Variants in MTRFR observed in about 807,000 individuals in gnomAD.
MTRFR encodes the protein probable peptide chain release factor C12orf65, mitochondrial.
A neutral mutation model predicts 11.9 loss-of-function variants in MTRFR; 10 were observed. The ratio of observed to expected loss-of-function variants is 0.84; its 90% CI spans 0.52 to 1.42. The LOEUF is 1.42. Among genes scored for constraint, MTRFR ranks in the 40% most tolerant of loss-of-function variants. MTRFR has a pLI of 0.00. For missense variants in MTRFR, 196 were observed against 197.9 expected, an observed-to-expected ratio of 0.99 and a Z score of 0.06; for synonymous variants, 77 against 79.1, an observed-to-expected ratio of 0.97 and a Z score of 0.14.
intron 1 of MTRFR, chr12:123,248,283 A>C (rs1404517979): frequency 6.6e-6 from 1 of 152,244 alleles, no homozygotes; most frequent in Admixed American, 6.5e-5. Context: ...AGGAGGCTGA[A>C]CATAGGACCC....
chr12:123,256,250 A>G (rs1254020696), intron 2 of MTRFR, among the ~76,000 whole-genome samples: 1 of 152,230 alleles, frequency 6.6e-6, no homozygotes, highest in Non-Finnish European at 1.5e-5. Context: ...TAGATACATC[A>G]GTTGATACTT....
intron 1 of MTRFR, among the ~76,000 whole-genome samples, chr12:123,243,529 C>CA (rs55817401): frequency 9.7e-4 from 114 of 117,766 alleles, no homozygotes; most frequent in African/African-American, 3.4e-3. Context: ...GACTCCGTCT[C>CA]AAAAAAAAAA....
chr12:123,244,960 T>TTTTTTTTTTA (rs71085871), intron 1 of MTRFR, among the ~76,000 whole-genome samples: 1 of 118,426 alleles, frequency 8.4e-6, no homozygotes, highest in Admixed American at 9.2e-5. Flanking sequence ...TTTTTTTTTT[T>TTTTTTTTTTA]AGACAGAGTC....
intron 1 of MTRFR, among the ~76,000 whole-genome samples, chr12:123,239,789 A>G (rs973883630): frequency 6.6e-5 from 10 of 151,878 alleles, no homozygotes; most frequent in Non-Finnish European, 1.3e-4. Context: ...CCCCCAGATG[A>G]CCCAGTTTCC....
chr12:123,247,433 G>A (rs1440325125), intron 1 of MTRFR, among the ~76,000 whole-genome samples: 1 of 152,122 alleles, frequency 6.6e-6, no homozygotes, highest in African/African-American at 2.4e-5. Context: ...AACTGCTGTT[G>A]CTTTAAAGTT....
chr12:123,252,499 G>C (rs931144103), intron 1 of MTRFR: 11 of 151,906 alleles, frequency 7.2e-5, no homozygotes, highest in African/African-American at 2.7e-4. Flanking sequence ...CACGTTGTTG[G>C]CAGTGCGTCC....
intron 1 of MTRFR, chr12:123,251,448 G>A (rs1219876525): frequency 1.3e-5 from 2 of 152,264 alleles, no homozygotes; most frequent in East Asian, 1.9e-4. Flanking sequence ...CCACCCTCCC[G>A]ATGGATCCCT....
At chr12:123,244,039 C>G (rs1202906626) in intron 1 of MTRFR, 1 of 148,420 alleles carries the variant, frequency 6.7e-6, no homozygotes, top group Non-Finnish European at 1.5e-5. Flanking sequence ...GAAGCTGGCT[C>G]CCACCTAGAT....
chr12:123,243,031 G>C (rs548762346), intron 1 of MTRFR, among the ~76,000 whole-genome samples: 1 of 152,180 alleles, frequency 6.6e-6, no homozygotes, highest in Non-Finnish European at 1.5e-5. Context: ...TCAATCTTTC[G>C]TAGGTAAGGT....
intron 1 of MTRFR, chr12:123,250,700 T>C (rs974433262): frequency 2.6e-5 from 4 of 152,270 alleles, no homozygotes; most frequent in African/African-American, 7.2e-5. Context: ...AGTCCTGTGA[T>C]GTGAACCATC....
chr12:123,256,557 A>T (rs549352882), intron 2 of MTRFR, among the ~76,000 whole-genome samples: 1 of 152,258 alleles, frequency 6.6e-6, no homozygotes, highest in East Asian at 1.9e-4. Flanking sequence ...TTAACTGGGT[A>T]TGGTGGCGTG....
chr12:123,246,877 C>T (rs1013831185), intron 1 of MTRFR, among the ~76,000 whole-genome samples: 1 of 151,682 alleles, frequency 6.6e-6, no homozygotes, highest in Non-Finnish European at 1.5e-5. Flanking sequence ...ACTACAGGCA[C>T]ACACCACCAC....
At chr12:123,241,754 T>C (rs953543077) in intron 1 of MTRFR, among the ~76,000 whole-genome samples, 1 of 152,208 alleles carries the variant, frequency 6.6e-6, no homozygotes, top group Non-Finnish European at 1.5e-5. Context: ...TAGGCTATTA[T>C]CTTGTTTGCT....
intron 1 of MTRFR, among the ~76,000 whole-genome samples, chr12:123,239,364 G>A (rs1205403727): frequency 1.3e-5 from 2 of 152,094 alleles, no homozygotes; most frequent in African/African-American, 4.8e-5. Flanking sequence ...GTAACTACTA[G>A]AAAATTTAGA....
upstream of MTRFR, chr12:123,233,085 C>G (rs929568760): frequency 6.6e-6 from 1 of 152,338 alleles, no homozygotes; most frequent in African/African-American, 2.4e-5. Context: ...CTGGCCGCCG[C>G]TCCCGCTGCC....
chr12:123,244,960 T>TTTA (rs71085871), intron 1 of MTRFR, among the ~76,000 whole-genome samples: 1 of 118,426 alleles, frequency 8.4e-6, no homozygotes, highest in African/African-American at 3.5e-5. Context: ...TTTTTTTTTT[T>TTTA]AGACAGAGTC....
At chr12:123,234,972 C>T (rs2138734899) in intron 1 of MTRFR, among the ~76,000 whole-genome samples, 1 of 152,164 alleles carries the variant, frequency 6.6e-6, no homozygotes, top group South Asian at 2.1e-4. Flanking sequence ...TGGACCATAC[C>T]AAGTAAAATA....
chr12:123,235,763 T>C (rs995473892), intron 1 of MTRFR, among the ~76,000 whole-genome samples: 1 of 151,964 alleles, frequency 6.6e-6, no homozygotes, highest in African/African-American at 2.4e-5. Context: ...TTGACTAGTC[T>C]TTTTAAAAAG....
chr12:123,253,320 G>A (rs2048139163), intron 1 of MTRFR: 1 of 336,718 alleles, frequency 3.0e-6, no homozygotes, highest in Non-Finnish European at 5.8e-6. Flanking sequence ...TTACAGGTGT[G>A]AGCCACCATG....
Sources: gnomAD v4.1 joint callset for allele counts (sites outside exome capture counted in the v4.1 genomes callset) on GRCh38, gnomAD v4.1.1 for gene constraint, MANE v1.5 for transcripts, NCBI Gene and HGNC (gene_info 2026-07-23, HGNC 2026-07-21) for gene names.